The following CPQ variants were observed in gnomAD, a reference collection of about 807,000 sequenced individuals.
CPQ encodes the protein carboxypeptidase Q.
A neutral mutation model predicts 45.7 loss-of-function variants in CPQ; 37 were observed. That is an observed-to-expected ratio of 0.81 (90% CI 0.62 to 1.07). The LOEUF is 1.07. Ranked by LOEUF, CPQ falls within the 50% of genes least tolerant of loss-of-function variation. The probability of loss-of-function intolerance (pLI) is 0.00; values close to 1 mark genes in which losing one functional copy is unlikely to be tolerated. For missense variants in CPQ, 537 were observed against 572.9 expected (o/e 0.94, Z 0.64); for synonymous variants, 186 against 205.8 (o/e 0.90, Z 0.82).
intron 2 of CPQ, among the ~76,000 whole-genome samples, chr8:96,801,537 C>T (rs1811007860): frequency 6.6e-6 from 1 of 151,726 alleles, no homozygotes. Context: ...ACATCTTTGC[C>T]ATTGTTTTCT....
chr8:96,653,126 G>A (rs892683145), intron 1 of CPQ, among the ~76,000 whole-genome samples: 2 of 152,066 alleles, frequency 1.3e-5, no homozygotes, highest in African/African-American at 2.4e-5. Context: ...AAGGAGTTTC[G>A]CCATGTTGCC....
chr8:96,674,219 G>A (rs1389004416), intron 1 of CPQ, among the ~76,000 whole-genome samples: 1 of 152,156 alleles, frequency 6.6e-6, no homozygotes, highest in Non-Finnish European at 1.5e-5. Flanking sequence ...GAAGAGGAAA[G>A]GAGTCTGAGA....
chr8:96,891,219 G>T (rs1812370608), intron 4 of CPQ, among the ~76,000 whole-genome samples: 1 of 152,226 alleles, frequency 6.6e-6, no homozygotes, highest in Non-Finnish European at 1.5e-5. Context: ...TGAATCCATG[G>T]ATGGTAGTCT....
At chr8:96,739,238 T>A (rs1376548769) in intron 1 of CPQ, among the ~76,000 whole-genome samples, 2 of 150,074 alleles carry the variant, frequency 1.3e-5, no homozygotes, top group Non-Finnish European at 3.0e-5. Flanking sequence ...TTCATGTGTT[T>A]TTTGGCTGCA....
chr8:96,691,293 C>T (rs1262306680), intron 1 of CPQ, among the ~76,000 whole-genome samples: 1 of 152,142 alleles, frequency 6.6e-6, no homozygotes, highest in East Asian at 1.9e-4. Context: ...TCCTTATGTT[C>T]TGTCTTCTCT....
At chr8:96,686,178 A>T (rs2464496) in intron 1 of CPQ, among the ~76,000 whole-genome samples, 106,368 of 151,356 alleles carry the variant, frequency 0.7, 37,793 homozygotes, top group Middle Eastern at 0.82. Flanking sequence ...TTATCTCTTA[A>T]AATTTTACCT....
chr8:96,918,640 C>G (rs1812763706), intron 4 of CPQ, among the ~76,000 whole-genome samples: 2 of 152,042 alleles, frequency 1.3e-5, no homozygotes, highest in Admixed American at 1.3e-4. Context: ...GGGAAGGAGA[C>G]TAGGTGGGTG....
chr8:96,760,460 C>CAA (rs1462229662), intron 1 of CPQ, among the ~76,000 whole-genome samples: 6 of 152,116 alleles, frequency 3.9e-5, no homozygotes, highest in Non-Finnish European at 5.9e-5. Flanking sequence ...CATGTTTTCT[C>CAA]CTCTATGCCT....
intron 6 of CPQ, among the ~76,000 whole-genome samples, chr8:97,031,453 T>A (rs1263154655): frequency 6.6e-6 from 1 of 152,170 alleles, no homozygotes; most frequent in African/African-American, 2.4e-5. Flanking sequence ...CCCAAAGTGC[T>A]GGGATTACAG....
intron 4 of CPQ, among the ~76,000 whole-genome samples, chr8:96,948,120 G>T (rs1020090871): frequency 6.6e-6 from 1 of 151,818 alleles, no homozygotes; most frequent in African/African-American, 2.4e-5. Flanking sequence ...CTTTGGATAG[G>T]GAATCTGGCC....
intron 5 of CPQ, among the ~76,000 whole-genome samples, chr8:97,010,289 G>A (rs1240627017): frequency 1.3e-5 from 2 of 152,020 alleles, no homozygotes; most frequent in Non-Finnish European, 2.9e-5. Context: ...GAGTCAGGGT[G>A]GTCTAGTTGA....
At chr8:96,987,697 A>C (rs1809015705) in intron 5 of CPQ, among the ~76,000 whole-genome samples, 1 of 152,218 alleles carries the variant, frequency 6.6e-6, no homozygotes, top group Non-Finnish European at 1.5e-5. Context: ...CTTAAACATC[A>C]CATTACTGAT....
At chr8:96,920,878 T>A (rs1023688227) in intron 4 of CPQ, among the ~76,000 whole-genome samples, 1 of 152,164 alleles carries the variant, frequency 6.6e-6, no homozygotes, top group African/African-American at 2.4e-5. Flanking sequence ...GCCTCCAAAC[T>A]GTGAGAAATA....
intron 2 of CPQ, among the ~76,000 whole-genome samples, chr8:96,797,994 T>C (rs1324584350): frequency 6.6e-6 from 1 of 151,292 alleles, no homozygotes; most frequent in African/African-American, 2.4e-5. Flanking sequence ...GAGTTTGCAG[T>C]GAGCCTAGAT....
intron 5 of CPQ, among the ~76,000 whole-genome samples, chr8:96,988,748 AAAG>A (rs1350517646): frequency 6.6e-6 from 1 of 152,218 alleles, no homozygotes; most frequent in Non-Finnish European, 1.5e-5. Flanking sequence ...GGAAGGAGGT[AAAG>A]AAGATCAAAC....
At chr8:97,059,183 TCAGAA>T (rs1200209413) in intron 6 of CPQ, among the ~76,000 whole-genome samples, 4 of 152,238 alleles carry the variant, frequency 2.6e-5, no homozygotes, top group African/African-American at 9.6e-5. Flanking sequence ...TAGGTTTGTC[TCAGAA>T]CAGAATACCT....
At chr8:96,841,639 G>T (rs1276141204) in intron 3 of CPQ, among the ~76,000 whole-genome samples, 2 of 152,200 alleles carry the variant, frequency 1.3e-5, no homozygotes, top group Non-Finnish European at 2.9e-5. Flanking sequence ...GGAATGAGTT[G>T]TTGATAGGGC....
At chr8:96,702,218 C>T (rs934565373) in intron 1 of CPQ, among the ~76,000 whole-genome samples, 3 of 152,138 alleles carry the variant, frequency 2.0e-5, no homozygotes, top group African/African-American at 7.2e-5. Flanking sequence ...TTCCAGAAGC[C>T]GTCTAGTCTT....
intron 1 of CPQ, among the ~76,000 whole-genome samples, chr8:96,656,598 T>C (rs748508351): frequency 2.6e-5 from 4 of 152,160 alleles, no homozygotes; most frequent in East Asian, 1.9e-4. Flanking sequence ...AGTCACTCTT[T>C]GGATTTCTGC....
Sources: gnomAD v4.1 joint callset for allele counts (sites outside exome capture counted in the v4.1 genomes callset) on GRCh38, gnomAD v4.1.1 for gene constraint, MANE v1.5 for transcripts, NCBI Gene and HGNC (gene_info 2026-07-23, HGNC 2026-07-21) for gene names.